The following WDR11 variants were observed in gnomAD, a reference collection of about 807,000 sequenced individuals.
The protein encoded by WDR11 is WD repeat-containing protein 11.
In WDR11, 83 loss-of-function variants were observed where a neutral mutation model predicts 151.2. That is an observed-to-expected ratio of 0.55 (90% CI 0.46 to 0.66). The LOEUF is 0.66. WDR11 is among the 30% of genes least tolerant of loss of function. The probability of loss-of-function intolerance (pLI) is 0.00; values close to 1 mark genes in which losing one functional copy is unlikely to be tolerated. For missense variants in WDR11, 1,301 were observed against 1,480.9 expected, an observed-to-expected ratio of 0.88 and a Z score of 1.99; for synonymous variants, 484 against 533.1, an observed-to-expected ratio of 0.91 and a Z score of 1.27.
chr10:120,883,958 C>G, intron 14 of WDR11, 70 bp downstream of exon 14: 3 of 1,338,842 alleles, frequency 2.2e-6, no homozygotes, highest in Admixed American at 3.6e-5. Context: ...TTTGCTTAAG[C>G]TTGAATCAAA....
chr10:120,853,603 A>C (rs911913562), intron 2 of WDR11, among the ~76,000 whole-genome samples: 3 of 152,152 alleles, frequency 2.0e-5, no homozygotes, highest in Non-Finnish European at 2.9e-5. Context: ...ATGTGACCAT[A>C]TTCGCGTCTT....
At chr10:120,865,940 G>A (rs533396910) in intron 7 of WDR11, among the ~76,000 whole-genome samples, 196 bp downstream of exon 7, 4 of 151,652 alleles carry the variant, frequency 2.6e-5, no homozygotes, top group South Asian at 4.2e-4. Context: ...TGCACCTCCT[G>A]TATACATCAA....
At chr10:120,852,306 C>CT (rs1257626511) in intron 1 of WDR11, 2 of 515,694 alleles carry the variant, frequency 3.9e-6, no homozygotes, top group African/African-American at 1.9e-5. Flanking sequence ...TCTTTTAGAA[C>CT]TTTTTTTATC....
intron 13 of WDR11, 151 bp downstream of exon 13, chr10:120,881,052 T>A: frequency 1.4e-6 from 1 of 695,704 alleles, no homozygotes; most frequent in Non-Finnish European, 2.4e-6. Flanking sequence ...AGAAAATATT[T>A]TGATTACAAA....
At chr10:120,902,623 G>A (rs964222295) in intron 22 of WDR11, among the ~76,000 whole-genome samples, 1 of 147,798 alleles carries the variant, frequency 6.8e-6, no homozygotes, top group Admixed American at 6.6e-5. Flanking sequence ...ATTTAGAAGC[G>A]ATAACCTCTA....
At chr10:120,858,299 A>G (rs1191678314) in intron 2 of WDR11, among the ~76,000 whole-genome samples, 1 of 152,162 alleles carries the variant, frequency 6.6e-6, no homozygotes, top group Non-Finnish European at 1.5e-5. Flanking sequence ...ATTCTGCTAA[A>G]TATGATTTTA....
At position 120,865,669 on chromosome 10, in the gene WDR11, C is replaced by A; in HGVS notation, c.919C>A (p.His307Asn). 2 of 1,610,872 alleles carry A rather than the reference C, an allele frequency of 1.2e-6. No homozygotes were observed. The highest frequency in any genetic ancestry group is 1.7e-6 in the Non-Finnish European group (2 of 1,179,200). ...CFQRDGLFCLHENGCITLRVR... is the reference protein window; with the variant it reads ...CFQRDGLFCLNENGCITLRVR... Reference sequence around the variant, plus strand: ...TCAGCGTGATGGTTTATTTTGTCTACATGAAAATGGTTGTATAACTTTACG... The same window carrying A: ...TCAGCGTGATGGTTTATTTTGTCTAAATGAAAATGGTTGTATAACTTTACG... Residue 307 changes from histidine (H) to asparagine (N), a missense_variant, in exon 7 of 29, where the codon CAT (histidine) becomes AAT (asparagine). Around this residue, in one of 3 missense-constraint regions of WDR11, gnomAD observed 692 missense variants for 762.5 expected, o/e 0.91. Coordinates refer to ENST00000263461, the MANE Select transcript of WDR11 (RefSeq NM_018117.12).
intron 9 of WDR11, 35 bp downstream of exon 9, chr10:120,867,204 A>G (rs1480138965): frequency 6.6e-7 from 1 of 1,510,512 alleles, no homozygotes; most frequent in Non-Finnish European, 9.2e-7. Flanking sequence ...CATGTTAAGT[A>G]TTCTTTCTGA....
chr10:120,900,087 C>A lies in WDR11; in HGVS notation c.2574C>A (p.Phe858Leu), dbSNP rs1416035417. 6.2e-7 allele frequency: 1 copy of A among 1,614,140 alleles called. No homozygotes were observed. Among genetic ancestry groups the A allele is most frequent in the South Asian group, 1.1e-5 (1 of 91,078 alleles). Residue 858 changes from phenylalanine (F) to leucine (L), a missense_variant, in exon 20 of 29, where the codon TTC (phenylalanine) becomes TTA (leucine). Phe to Leu is a conservative substitution (Grantham distance 22). Coordinates refer to ENST00000263461, the MANE Select transcript of WDR11 (RefSeq NM_018117.12). ...VPRASLALKA[F>L]LLHQPWNGQY... ...GGGCCTCTCTTGCCTTGAAAGCCTT[C>A]TTATTACACCAGCCTTGGAATGGAC...
chr10:120,884,484 A>C (rs1218525852), intron 14 of WDR11, among the ~76,000 whole-genome samples: 2 of 152,148 alleles, frequency 1.3e-5, no homozygotes, highest in Non-Finnish European at 2.9e-5. Flanking sequence ...TAGAGAAGTG[A>C]GTGTCACAGG....
At chr10:120,858,078 T>C (rs1590055275) in intron 2 of WDR11, among the ~76,000 whole-genome samples, 3 of 152,306 alleles carry the variant, frequency 2.0e-5, no homozygotes, top group South Asian at 2.1e-4. Flanking sequence ...CTGGAGTTCA[T>C]GTGTTTTTTA....
intron 1 of WDR11, chr10:120,852,021 C>A: frequency 4.8e-6 from 1 of 209,720 alleles, no homozygotes; most frequent in Non-Finnish European, 9.6e-6. Flanking sequence ...ATTACTCTCT[C>A]CTTTCACTAT....
At chr10:120,873,045 G>A (rs545362620) in intron 10 of WDR11, among the ~76,000 whole-genome samples, 1 of 152,220 alleles carries the variant, frequency 6.6e-6, no homozygotes, top group African/African-American at 2.4e-5. Flanking sequence ...ACTTTCTCAT[G>A]TATGTCCGTG....
At chr10:120,873,379 G>C (rs936893720) in intron 10 of WDR11, among the ~76,000 whole-genome samples, 1 of 152,158 alleles carries the variant, frequency 6.6e-6, no homozygotes, top group African/African-American at 2.4e-5. Flanking sequence ...TTACTCTCTT[G>C]TCAGGATTTA....
chr10:120,885,601 G>T (rs1340451227), intron 14 of WDR11, among the ~76,000 whole-genome samples: 1 of 152,026 alleles, frequency 6.6e-6, no homozygotes. Context: ...ACATCAAAAG[G>T]TCAGACCTTT....
At position 120,906,144 on chromosome 10, in the gene WDR11, G is replaced by C. The variant is rs1250512024; in HGVS notation, c.3437+123G>C. 4.5e-6 allele frequency: 7 copies of C among 1,569,018 alleles called. No homozygotes were observed. In the Admixed American group the frequency reaches 1.1e-4, roughly 25 times the overall value. ...AGTGAAAGGAGAAGTATACATTTCA[G>C]GTTTGTCAAAAAACCCAAAGGAGAA... On this transcript the variant is annotated intron_variant, in intron 27 of 28. Transcript: ENST00000263461.
intron 2 of WDR11, among the ~76,000 whole-genome samples, chr10:120,854,140 C>T (rs1845870929): frequency 6.6e-6 from 1 of 152,074 alleles, no homozygotes; most frequent in African/African-American, 2.4e-5. Flanking sequence ...AACTTTTTTA[C>T]CTCAAAAAGA....
intron 4 of WDR11, among the ~76,000 whole-genome samples, chr10:120,862,231 C>T (rs1846166262): frequency 6.6e-6 from 1 of 151,652 alleles, no homozygotes; most frequent in Admixed American, 6.6e-5. Flanking sequence ...ACCTCCACCT[C>T]CCAGTTCAAG....
At chr10:120,906,112 T>C (rs1476226616) in intron 27 of WDR11, 91 bp downstream of exon 27, 1 of 1,607,480 alleles carries the variant, frequency 6.2e-7, no homozygotes, top group East Asian at 2.2e-5. Context: ...TGGTACTCGA[T>C]GTGTAAAGTG....
Sources: gnomAD v4.1 joint callset for allele counts (sites outside exome capture counted in the v4.1 genomes callset) on GRCh38, gnomAD v4.1.1 for gene constraint, gnomAD v4.1.1 regional missense constraint, MANE v1.5 for transcripts, NCBI Gene and HGNC (gene_info 2026-07-23, HGNC 2026-07-21) for gene names.